PLCH1: variants seen among roughly 807,000 people sequenced by gnomAD.
The protein encoded by PLCH1 is 1-phosphatidylinositol 4,5-bisphosphate phosphodiesterase eta-1.
Under a neutral mutation model 126.7 loss-of-function variants are expected in PLCH1, and 60 were observed. That is an observed-to-expected ratio of 0.47 (90% CI 0.38 to 0.59). PLCH1 has a LOEUF of 0.59. PLCH1 is among the 20% of genes least tolerant of loss of function. The pLI, the probability that PLCH1 is intolerant of heterozygous loss-of-function variation, is 0.00. For missense variants in PLCH1, 1,723 were observed against 2,040.0 expected (o/e 0.84, Z 2.99); for synonymous variants, 719 against 734.9 (o/e 0.98, Z 0.35).
At chr3:155,520,015 C>G (rs1034844702) in intron 11 of PLCH1, among the ~76,000 whole-genome samples, 2 of 152,154 alleles carry the variant, frequency 1.3e-5, no homozygotes, top group African/African-American at 4.8e-5. Flanking sequence ...CTCCTGCCTG[C>G]TCCTTTAGCT....
chr3:155,617,826 G>A (rs1470475447), intron 2 of PLCH1, among the ~76,000 whole-genome samples: 2 of 152,152 alleles, frequency 1.3e-5, no homozygotes, highest in South Asian at 2.1e-4. Flanking sequence ...CCCAGTCCCT[G>A]TACAGGAGTC....
Position 155,481,427 on chromosome 3 carries a change from G to A in PLCH1, c.4599C>T (p.Ala1533=). The A allele has an allele frequency of 6.2e-7, 1 of 1,614,118 alleles. No homozygotes were observed. The highest frequency in any genetic ancestry group is 8.5e-7 in the Non-Finnish European group (1 of 1,180,020). Residue 1533 remains alanine, a synonymous_variant, in exon 23 of 23, where the codon GCC becomes GCT. Coordinates refer to ENST00000460012, the MANE Select transcript of PLCH1 (RefSeq NM_014996.4). This position sits in a 1 kb window ranked among gnomAD's most constrained non-coding sequence, Gnocchi z 4.2. The part of the protein sequence containing the change: ...VKTKSLEPID[A]LTEQLRKLVS... ...CAAGCTTCCGAAGCTGCTCGGTCAGGGCATCTATAGGCTCTAACGACTTTG... is the reference window on the plus strand; with the variant it reads ...CAAGCTTCCGAAGCTGCTCGGTCAGAGCATCTATAGGCTCTAACGACTTTG...
downstream of PLCH1, among the ~76,000 whole-genome samples, chr3:155,479,215 A>G (rs1038169640): frequency 2.0e-5 from 3 of 152,206 alleles, no homozygotes; most frequent in Non-Finnish European, 4.4e-5. Flanking sequence ...ACAGCATGTC[A>G]ATCCCTTCTA....
intron 2 of PLCH1, among the ~76,000 whole-genome samples, chr3:155,676,763 ACTGG>A (rs928202273): frequency 6.6e-6 from 1 of 152,146 alleles, no homozygotes; most frequent in Non-Finnish European, 1.5e-5. Flanking sequence ...CACAGAAAAG[ACTGG>A]AATGTTTCCA....
At chr3:155,618,495 C>T (rs1345827876) in intron 2 of PLCH1, among the ~76,000 whole-genome samples, 1 of 152,118 alleles carries the variant, frequency 6.6e-6, no homozygotes, top group African/African-American at 2.4e-5. Flanking sequence ...AAGAATGGAG[C>T]TCTCCATTCT....
intron 10 of PLCH1, among the ~76,000 whole-genome samples, chr3:155,528,464 A>G (rs577218798): frequency 4.6e-5 from 7 of 152,188 alleles, no homozygotes; most frequent in Non-Finnish European, 1.0e-4. Flanking sequence ...ACTCAGAAAC[A>G]AGCTATCAAG....
chr3:155,625,727 C>T (rs1177454669), intron 2 of PLCH1, among the ~76,000 whole-genome samples: 2 of 152,136 alleles, frequency 1.3e-5, no homozygotes, highest in Non-Finnish European at 2.9e-5. Context: ...GATCAGGAAA[C>T]AACAGATGCT....
At chr3:155,566,081 A>G (rs1399718399) in intron 7 of PLCH1, among the ~76,000 whole-genome samples, 2 of 146,880 alleles carry the variant, frequency 1.4e-5, no homozygotes, top group Non-Finnish European at 3.0e-5. Context: ...TTTTAGGAAT[A>G]GCCTTTTAAA....
At chr3:155,713,808 C>T (rs1171307729) in intron 1 of PLCH1, among the ~76,000 whole-genome samples, 4 of 152,158 alleles carry the variant, frequency 2.6e-5, no homozygotes, top group African/African-American at 9.7e-5. Flanking sequence ...ATGAGATGTT[C>T]TTCAAAGTAT....
At chr3:155,677,958 C>T (rs1467441805) in intron 2 of PLCH1, among the ~76,000 whole-genome samples, 1 of 152,134 alleles carries the variant, frequency 6.6e-6, no homozygotes, top group Non-Finnish European at 1.5e-5. Flanking sequence ...ACGAATATCT[C>T]GTTCCTTTGT....
intron 10 of PLCH1, among the ~76,000 whole-genome samples, chr3:155,543,163 CT>C (rs1373431784): frequency 6.6e-6 from 1 of 152,130 alleles, no homozygotes; most frequent in Non-Finnish European, 1.5e-5. Flanking sequence ...GAATGTATAA[CT>C]AGAAGAACCA....
chr3:155,691,829 CA>C (rs1322685022), intron 2 of PLCH1, among the ~76,000 whole-genome samples: 1 of 151,958 alleles, frequency 6.6e-6, no homozygotes, highest in Admixed American at 6.6e-5. Context: ...TTAATCAAAA[CA>C]AAACACTATT....
At chr3:155,610,387 AAAC>A (rs1182164257) in intron 2 of PLCH1, among the ~76,000 whole-genome samples, 18 of 150,298 alleles carry the variant, frequency 1.2e-4, no homozygotes, top group South Asian at 6.4e-4. Flanking sequence ...AAAAAAAAAA[AAAC>A]CATCACCTAG....
chr3:155,591,191 C>G (rs775069876), intron 4 of PLCH1, among the ~76,000 whole-genome samples: 33 of 152,190 alleles, frequency 2.2e-4, no homozygotes, highest in Non-Finnish European at 7.3e-5. Context: ...TCCTAGTTAA[C>G]TGGATGAGGC....
intron 2 of PLCH1, among the ~76,000 whole-genome samples, chr3:155,638,217 A>C (rs559308477): frequency 6.6e-6 from 1 of 152,340 alleles, no homozygotes; most frequent in Non-Finnish European, 1.5e-5. Flanking sequence ...ATGATTTCAA[A>C]TATTCAACAA....
intron 2 of PLCH1, among the ~76,000 whole-genome samples, chr3:155,624,944 TA>T (rs907166797): frequency 2.0e-5 from 3 of 151,654 alleles, no homozygotes; most frequent in Admixed American, 6.6e-5. Context: ...AAGACAATCC[TA>T]AAAAAAAGAA....
intron 2 of PLCH1, among the ~76,000 whole-genome samples, chr3:155,681,774 G>A (rs1744558590): frequency 6.6e-6 from 1 of 152,120 alleles, no homozygotes; most frequent in Non-Finnish European, 1.5e-5. Flanking sequence ...AACCCCAAAG[G>A]GCTAGATGCA....
At chr3:155,583,129 T>C (rs1051135211) in intron 6 of PLCH1, among the ~76,000 whole-genome samples, 7 of 150,204 alleles carry the variant, frequency 4.7e-5, no homozygotes, top group Non-Finnish European at 1.0e-4. Flanking sequence ...TACTAATATA[T>C]AGTATAAATT....
intron 10 of PLCH1, among the ~76,000 whole-genome samples, chr3:155,538,945 C>CAAAAAAAAAAAAAAAAA (rs56251794): frequency 6.8e-6 from 1 of 146,556 alleles, no homozygotes. Context: ...AAGGACATAA[C>CAAAAAAAAAAAAAAAAA]AAAAAAAAAA....
Sources: gnomAD v4.1 joint callset for allele counts (sites outside exome capture counted in the v4.1 genomes callset) on GRCh38, gnomAD v4.1.1 for gene constraint, Gnocchi (gnomAD v3.1) non-coding constraint, MANE v1.5 for transcripts, NCBI Gene and HGNC (gene_info 2026-07-23, HGNC 2026-07-21) for gene names.